The following PCDH7 variants were observed in gnomAD, a reference collection of about 807,000 sequenced individuals.
PCDH7 encodes the protein protocadherin-7.
A neutral mutation model predicts 58.9 loss-of-function variants in PCDH7; 17 were observed. The observed-to-expected ratio is 0.29, with a 90% CI of 0.20 to 0.43. The LOEUF (loss-of-function observed/expected upper bound fraction) is 0.43, where lower values mean the gene tolerates loss of function less well. PCDH7 is among the 20% of genes least tolerant of loss of function. The probability of loss-of-function intolerance (pLI) is 1.00; values close to 1 mark genes in which losing one functional copy is unlikely to be tolerated. For missense variants in PCDH7, 1,274 were observed against 1,441.0 expected (o/e 0.88, Z 1.88); for synonymous variants, 664 against 616.4 (o/e 1.08, Z -1.14).
intron 1 of PCDH7, among the ~76,000 whole-genome samples, chr4:30,809,067 T>C (rs1726634082): frequency 6.6e-6 from 1 of 152,222 alleles, no homozygotes; most frequent in Admixed American, 6.5e-5. Context: ...GATACAAATG[T>C]ATCTGGCAAA....
At chr4:30,935,303 T>A (rs1017002006) in intron 2 of PCDH7, 1 of 967,350 alleles carries the variant, frequency 1.0e-6, no homozygotes, top group African/African-American at 1.8e-5. Context: ...ATTATTTTCT[T>A]ACCTCCAGAA....
intron 1 of PCDH7, among the ~76,000 whole-genome samples, chr4:30,816,989 A>T (rs917957280): frequency 2.6e-5 from 4 of 152,188 alleles, no homozygotes; most frequent in Non-Finnish European, 5.9e-5. Context: ...CAGCGAGCAC[A>T]TAGAGAGTAC....
At chr4:31,019,627 T>C (rs1753872481) in intron 3 of PCDH7, among the ~76,000 whole-genome samples, 2 of 151,174 alleles carry the variant, frequency 1.3e-5, no homozygotes, top group Non-Finnish European at 2.9e-5. Context: ...AGGTGGAGGT[T>C]GCAGTGAGCC....
At chr4:30,961,539 G>A (rs1337467751) in intron 3 of PCDH7, among the ~76,000 whole-genome samples, 4 of 151,456 alleles carry the variant, frequency 2.6e-5, no homozygotes, top group Non-Finnish European at 5.9e-5. Flanking sequence ...GCAACAGAGT[G>A]AGACTCCATC....
At chr4:30,938,718 A>G (rs901588383) in intron 2 of PCDH7, among the ~76,000 whole-genome samples, 6 of 152,148 alleles carry the variant, frequency 3.9e-5, no homozygotes, top group African/African-American at 1.4e-4. Context: ...TAATATTTTT[A>G]TAATACAGTA....
intron 3 of PCDH7, among the ~76,000 whole-genome samples, chr4:31,071,274 A>T (rs1422096527): frequency 6.6e-6 from 1 of 151,910 alleles, no homozygotes; most frequent in Non-Finnish European, 1.5e-5. Flanking sequence ...AAAAACCCAT[A>T]GTCTCTGTAC....
intron 3 of PCDH7, among the ~76,000 whole-genome samples, chr4:31,121,115 A>G (rs187924128): frequency 1.3e-5 from 2 of 152,286 alleles, no homozygotes; most frequent in Non-Finnish European, 2.9e-5. Flanking sequence ...TTCATTATTC[A>G]CAGGTCGCTG....
chr4:30,968,400 A>ACACACAC lies in PCDH7; in HGVS notation c.*7+18185_*7+18186insCACACAC, dbSNP rs1363759627. Among the ~76,000 whole-genome samples, 9 of 54,616 alleles carry ACACACAC rather than the reference A, an allele frequency of 1.6e-4. No individual in the cohort carries two copies. The East Asian group carries it at 1.7e-3, about 10-fold the overall frequency. 35.8% of individuals were successfully genotyped at this position (54,616 alleles called of 152,430 possible). A position where few individuals can be genotyped will look rare whatever the true frequency, so the allele number is the denominator to read the frequency against. Reference sequence around the variant, plus strand: ...ACTATATATATATATATATATATATATATATATATATATATGGGATATTAT... The same window carrying ACACACAC: ...ACTATATATATATATATATATATATACACACACTATATATATATATATGGGATATTAT... On this transcript the variant is annotated intron_variant, in intron 3 of 3. Transcript: ENST00000509759.
At chr4:30,960,363 A>G (rs1241851982) in intron 3 of PCDH7, among the ~76,000 whole-genome samples, 1 of 152,146 alleles carries the variant, frequency 6.6e-6, no homozygotes. Flanking sequence ...AGGTCATGTA[A>G]GGAAACAGTG....
intron 3 of PCDH7, among the ~76,000 whole-genome samples, chr4:31,074,707 CT>C: frequency 7.3e-6 from 1 of 137,496 alleles, no homozygotes; most frequent in African/African-American, 2.8e-5. Flanking sequence ...TTGCTTGAAC[CT>C]GGGGAGGTGG....
At chr4:31,036,181 T>C (rs1044413947) in intron 3 of PCDH7, among the ~76,000 whole-genome samples, 1 of 152,098 alleles carries the variant, frequency 6.6e-6, no homozygotes, top group African/African-American at 2.4e-5. Context: ...ACTGAGAAAT[T>C]GTAGTTCTTT....
intron 1 of PCDH7, among the ~76,000 whole-genome samples, chr4:30,903,634 A>G (rs1002768646): frequency 1.3e-5 from 2 of 152,122 alleles, no homozygotes; most frequent in Non-Finnish European, 2.9e-5. Context: ...ATATTTTCCA[A>G]AGATGAATCA....
chr4:31,093,545 C>G (rs1056020958), intron 3 of PCDH7, among the ~76,000 whole-genome samples: 1 of 151,856 alleles, frequency 6.6e-6, no homozygotes, highest in Non-Finnish European at 1.5e-5. Context: ...TTTTCTACAG[C>G]CTTATTTTGA....
intron 2 of PCDH7, among the ~76,000 whole-genome samples, chr4:30,948,486 T>C (rs1746983585): frequency 6.6e-6 from 1 of 152,128 alleles, no homozygotes; most frequent in African/African-American, 2.4e-5. Context: ...TTTTTCAACT[T>C]TATTTTACTG....
chr4:30,995,245 C>T (rs960641849), intron 3 of PCDH7, among the ~76,000 whole-genome samples: 3 of 152,088 alleles, frequency 2.0e-5, no homozygotes, highest in Non-Finnish European at 4.4e-5. Context: ...CGGCCCAGCA[C>T]GGTGGCTCAT....
intron 3 of PCDH7, among the ~76,000 whole-genome samples, chr4:31,107,488 G>T (rs370722866): frequency 1.3e-5 from 2 of 152,176 alleles, no homozygotes; most frequent in Non-Finnish European, 2.9e-5. Context: ...TGCTTAGCTC[G>T]CACAGATGAC....
intron 1 of PCDH7, among the ~76,000 whole-genome samples, chr4:30,740,484 T>A (rs1449897595): frequency 1.3e-5 from 2 of 152,180 alleles, no homozygotes. Context: ...TATTCTTCAA[T>A]TCACTCATTA....
intron 1 of PCDH7, among the ~76,000 whole-genome samples, chr4:30,861,821 A>T (rs187518772): frequency 6.6e-6 from 1 of 152,268 alleles, no homozygotes; most frequent in Non-Finnish European, 1.5e-5. Flanking sequence ...TTTTGGTCAG[A>T]CAGAGGTTGT....
At chr4:31,012,306 A>T (rs2109154086) in intron 3 of PCDH7, among the ~76,000 whole-genome samples, 1 of 152,224 alleles carries the variant, frequency 6.6e-6, no homozygotes, top group South Asian at 2.1e-4. Context: ...TATTCGTTTT[A>T]TTTTTCTAAT....
Sources: gnomAD v4.1 joint callset for allele counts (sites outside exome capture counted in the v4.1 genomes callset) on GRCh38, gnomAD v4.1.1 for gene constraint, MANE v1.5 for transcripts, NCBI Gene and HGNC (gene_info 2026-07-23, HGNC 2026-07-21) for gene names.